Variants in PCDHA10 observed in about 807,000 individuals in gnomAD.
PCDHA10 encodes the protein protocadherin alpha 10.
PCDHA10 carries 45 observed loss-of-function variants against 61.2 expected under a neutral mutation model. The ratio of observed to expected loss-of-function variants is 0.74; its 90% CI spans 0.58 to 0.94. The LOEUF (loss-of-function observed/expected upper bound fraction) is 0.94, where lower values mean the gene tolerates loss of function less well. Among genes scored for constraint, PCDHA10 ranks in the 40% least tolerant of loss-of-function variants. The pLI is 0.00. For synonymous variants in PCDHA10, 602 were observed against 548.8 expected (o/e 1.10, Z -1.35); for missense variants, 1,278 against 1,236.2 (o/e 1.03, Z -0.51).
intron 3 of PCDHA10, among the ~76,000 whole-genome samples, chr5:140,986,828 G>A (rs1001117075): frequency 3.9e-5 from 6 of 152,146 alleles, no homozygotes; most frequent in Non-Finnish European, 5.9e-5. Flanking sequence ...TTTAGACAAT[G>A]GTTCTCAAAG....
At position 140,883,032 on chromosome 5, in the gene PCDHA10, C is replaced by G. The variant is rs2153389895; in HGVS notation, c.2388+24596C>G. The G allele has an allele frequency of 6.2e-6, 10 of 1,614,064 alleles. No individual in the cohort carries two copies. The South Asian group carries it at 8.8e-5, about 14-fold the overall frequency. ...TATAAAGTGACGGTGTTAGAGAACG[C>G]CTTCAATGGAACATTAGTGATCAAG... On this transcript the variant is annotated intron_variant, in intron 1 of 3. Transcript: ENST00000307360.
intron 1 of PCDHA10, among the ~76,000 whole-genome samples, chr5:140,941,211 C>CTCT (rs2092852939): frequency 7.7e-6 from 1 of 129,628 alleles, no homozygotes; most frequent in East Asian, 2.4e-4. Context: ...TCCTTTCTTT[C>CTCT]TTCCTTTCTT....
rs1554217734 is a variant in PCDHA10, at chr5:140,946,611, A to AATATATATATATATAT, written c.2389-32332_2389-32317dup. Among the ~76,000 whole-genome samples, 269 of 86,770 alleles carry AATATATATATATATAT rather than the reference A, an allele frequency of 3.1e-3. 3 individuals carry two copies. The highest frequency in any genetic ancestry group is 0.011 in the Middle Eastern group (2 of 186). 56.9% of individuals were successfully genotyped at this position (86,770 alleles called of 152,430 possible). A position where few individuals can be genotyped will look rare whatever the true frequency, so the allele number is the denominator to read the frequency against. On this transcript the variant is annotated intron_variant, in intron 1 of 3. Coordinates refer to ENST00000307360, the MANE Select transcript of PCDHA10 (RefSeq NM_018901.4). ...GGATGAATAGATAAAGAAAATGTGAAATATATATATATATATATATACAAT... is the reference window on the plus strand; with the variant it reads ...GGATGAATAGATAAAGAAAATGTGAAATATATATATATATATATATATATATATATATATATACAAT...
chr5:140,890,439 A>C lies in PCDHA10; in HGVS notation c.2388+32003A>C, dbSNP rs114755692. On this transcript the variant is annotated intron_variant, in intron 1 of 3. Coordinates refer to ENST00000307360, the MANE Select transcript of PCDHA10 (RefSeq NM_018901.4). The stretch of plus-strand genomic sequence containing the variant: ...TATTTAGTTTATATTTACAATACCT[A>C]GTGATATCTTTAGGCACAAATATTT... 7.6e-3 allele frequency among the ~76,000 whole-genome samples: 1,153 copies of C among 152,326 alleles called. 6 individuals are homozygous for C. Among genetic ancestry groups the C allele is most frequent in the Non-Finnish European group, 0.013 (886 of 68,014 alleles).
intron 1 of PCDHA10, chr5:140,967,711 G>C (rs557842321): frequency 6.2e-7 from 1 of 1,614,168 alleles, no homozygotes; most frequent in East Asian, 2.2e-5. Context: ...CCAGTACCGG[G>C]GAAGTGCGAG....
At chr5:140,864,124 T>C (rs528215401) in intron 1 of PCDHA10, 4 of 152,368 alleles carry the variant, frequency 2.6e-5, no homozygotes, top group South Asian at 2.1e-4. Flanking sequence ...TGAATTAGAC[T>C]GAGTGGCTGT....
intron 3 of PCDHA10, among the ~76,000 whole-genome samples, chr5:140,997,851 C>T (rs1400770612): frequency 6.6e-6 from 1 of 152,122 alleles, no homozygotes. Flanking sequence ...CATTCTTATA[C>T]ATATTTCTTA....
intron 1 of PCDHA10, chr5:140,868,954 C>G: frequency 7.4e-7 from 1 of 1,348,952 alleles, no homozygotes; most frequent in Non-Finnish European, 1.0e-6. Flanking sequence ...GTGAGGCACT[C>G]CCATACAAAG....
intron 1 of PCDHA10, among the ~76,000 whole-genome samples, chr5:140,912,341 G>GT (rs1430124831): frequency 9.5e-5 from 12 of 126,362 alleles, no homozygotes; most frequent in African/African-American, 4.2e-4. Flanking sequence ...AGTACACTAA[G>GT]TATTTTTTTT....
chr5:140,972,733 G>A (rs1037610917), intron 1 of PCDHA10, among the ~76,000 whole-genome samples: 7 of 147,652 alleles, frequency 4.7e-5, no homozygotes, highest in Non-Finnish European at 7.4e-5. Context: ...GCGTAATCCC[G>A]GCTCACTGCA....
At chr5:140,993,081 A>G (rs966669704) in intron 3 of PCDHA10, among the ~76,000 whole-genome samples, 34 of 152,234 alleles carry the variant, frequency 2.2e-4, no homozygotes, top group Non-Finnish European at 2.8e-4. Flanking sequence ...GTCTGCAATC[A>G]GCAGGGCTAT....
chr5:140,923,275 CA>C (rs1328074482), intron 1 of PCDHA10, among the ~76,000 whole-genome samples: 2 of 152,128 alleles, frequency 1.3e-5, no homozygotes, highest in Admixed American at 1.3e-4. Context: ...CTTGTCTCTA[CA>C]AAAAATTAAA....
chr5:140,951,252 A>AT (rs1488592252), intron 1 of PCDHA10, among the ~76,000 whole-genome samples: 16 of 151,738 alleles, frequency 1.1e-4, no homozygotes, highest in Admixed American at 1.1e-3. Context: ...AATGCATCAC[A>AT]TTTTTCTGGT....
intron 1 of PCDHA10, among the ~76,000 whole-genome samples, chr5:140,962,051 T>G (rs1352018533): frequency 6.6e-6 from 1 of 151,838 alleles, no homozygotes; most frequent in East Asian, 1.9e-4. Context: ...GCCTGGCTAA[T>G]TTTTTTGTAT....
At chr5:140,883,642 C>T (rs200197885) in intron 1 of PCDHA10, 1 of 1,613,904 alleles carries the variant, frequency 6.2e-7, no homozygotes, top group South Asian at 1.1e-5. Context: ...TCGCGCAGCC[C>T]GAGTACACGG....
intron 1 of PCDHA10, among the ~76,000 whole-genome samples, chr5:140,959,259 C>T (rs781794121): frequency 4.6e-5 from 7 of 152,040 alleles, no homozygotes; most frequent in African/African-American, 7.2e-5. Flanking sequence ...TGACTGTAGT[C>T]CCAGCTACCC....
chr5:140,942,618 GT>G (rs1372135994), intron 1 of PCDHA10, among the ~76,000 whole-genome samples: 1 of 97,742 alleles, frequency 1.0e-5, no homozygotes, highest in African/African-American at 5.0e-5. Context: ...TTTGCCAATT[GT>G]AAAAAAAAAA....
At chr5:140,927,848 G>C (rs1295513512) in intron 1 of PCDHA10, 1 of 1,614,180 alleles carries the variant, frequency 6.2e-7, no homozygotes, top group African/African-American at 1.3e-5. Flanking sequence ...GGTGTCTTTG[G>C]TTTAGCTAGC....
chr5:140,876,801 G>A lies in PCDHA10; in HGVS notation c.2388+18365G>A, dbSNP rs1015597244. 3.1e-6 allele frequency: 5 copies of A among 1,614,114 alleles called. No homozygotes were observed. The African/African-American group carries it at 6.7e-5, about 22-fold the overall frequency. On this transcript the variant is annotated intron_variant, in intron 1 of 3. Transcript: ENST00000307360. ...TGTGGGCCACGGCTAGAGTGTCCGT[G>A]GAGGTGGCCGACGTGAACGACAATG...
Sources: gnomAD v4.1 joint callset for allele counts (sites outside exome capture counted in the v4.1 genomes callset) on GRCh38, gnomAD v4.1.1 for gene constraint, MANE v1.5 for transcripts, NCBI Gene and HGNC (gene_info 2026-07-23, HGNC 2026-07-21) for gene names.